Variants in SCFD1 observed in about 807,000 individuals in gnomAD.
SCFD1 encodes the protein sec1 family domain-containing protein 1.
A neutral mutation model predicts 103.2 loss-of-function variants in SCFD1; 37 were observed. The observed-to-expected ratio is 0.36, with a 90% CI of 0.28 to 0.47. The LOEUF (loss-of-function observed/expected upper bound fraction) is 0.47. Ranked by LOEUF, SCFD1 falls within the 20% of genes least tolerant of loss-of-function variation. The probability of loss-of-function intolerance (pLI) is 1.00; values close to 1 mark genes in which losing one functional copy is unlikely to be tolerated. For missense variants in SCFD1, 639 were observed against 761.2 expected, an observed-to-expected ratio of 0.84 and a Z score of 1.89; for synonymous variants, 264 against 245.0, an observed-to-expected ratio of 1.08 and a Z score of -0.73.
intron 1 of SCFD1, 172 bp downstream of exon 1, chr14:30,622,571 T>C: frequency 8.5e-7 from 1 of 1,183,430 alleles, no homozygotes; most frequent in Non-Finnish European, 1.1e-6. Flanking sequence ...GCTTGAGGAC[T>C]CGGTTCCTCC....
At chr14:30,656,596 C>G (rs889122038) in intron 10 of SCFD1, among the ~76,000 whole-genome samples, 14 of 151,928 alleles carry the variant, frequency 9.2e-5, no homozygotes, top group Non-Finnish European at 2.1e-4. Context: ...GCAAAATTGC[C>G]CAATTGAGAA....
chr14:30,731,471 T>G (rs1431096798), intron 23 of SCFD1, among the ~76,000 whole-genome samples: 2 of 152,256 alleles, frequency 1.3e-5, no homozygotes, highest in East Asian at 3.8e-4. Context: ...TAATTGATTC[T>G]TCCTATCCAT....
chr14:30,679,783 C>A (rs770331551), intron 14 of SCFD1, among the ~76,000 whole-genome samples: 3 of 151,482 alleles, frequency 2.0e-5, no homozygotes, highest in African/African-American at 4.9e-5. Context: ...CAGAACATTT[C>A]TTTGGCTGGA....
chr14:30,660,044 T>C (rs1311989706), intron 10 of SCFD1, among the ~76,000 whole-genome samples: 3 of 152,208 alleles, frequency 2.0e-5, no homozygotes, highest in Non-Finnish European at 4.4e-5. Context: ...TAATGATAAT[T>C]TCCTGGTGAT....
In SCFD1 at chr14:30,633,880, C is replaced by A. The variant is rs1884433489; in HGVS notation, c.222-67C>A. The A allele has an allele frequency of 4.7e-5, 41 of 870,598 alleles. 2 individuals are homozygous for A. The South Asian group carries it at 7.0e-4, about 15-fold the overall frequency. 53.9% of individuals were successfully genotyped at this position (870,598 alleles called of 1,614,324 possible). A position where few individuals can be genotyped will look rare whatever the true frequency, so the allele number is the denominator to read the frequency against. The stretch of plus-strand genomic sequence containing the variant: ...TACTGTCCTTGAGCTAGTGAACTCC[C>A]ATTTTGAGGAATATTGTTTTAAATA... On this transcript the variant is annotated intron_variant, in intron 3 of 24. Coordinates refer to ENST00000458591, the MANE Select transcript of SCFD1 (RefSeq NM_016106.4).
At chr14:30,694,974 T>C (rs1324864997) in intron 15 of SCFD1, 105 bp downstream of exon 15, 1 of 1,493,416 alleles carries the variant, frequency 6.7e-7, no homozygotes. Flanking sequence ...TGACAGTCAA[T>C]GCTAATATCA....
At chr14:30,683,872 A>T (rs1409967137) in intron 14 of SCFD1, among the ~76,000 whole-genome samples, 3 of 152,112 alleles carry the variant, frequency 2.0e-5, no homozygotes, top group African/African-American at 7.2e-5. Context: ...TTCACTGCTG[A>T]ATGGTTATTG....
intron 23 of SCFD1, among the ~76,000 whole-genome samples, chr14:30,728,072 A>G (rs1893178867): frequency 6.6e-6 from 1 of 152,160 alleles, no homozygotes; most frequent in South Asian, 2.1e-4. Context: ...TCAGTCAGAG[A>G]AAAAGAAAAA....
chr14:30,628,551 G>GC (rs1883766200), intron 2 of SCFD1, among the ~76,000 whole-genome samples: 2 of 152,110 alleles, frequency 1.3e-5, no homozygotes, highest in Non-Finnish European at 2.9e-5. Context: ...TTGATATTTT[G>GC]TTCCTTAGCT....
intron 14 of SCFD1, chr14:30,683,741 A>C (rs780453667): frequency 1.9e-4 from 32 of 166,374 alleles, no homozygotes; most frequent in Non-Finnish European, 1.8e-4. Flanking sequence ...TTCCTAACAT[A>C]GCATTGCAAC....
intron 14 of SCFD1, 117 bp from the exon 15 acceptor site, chr14:30,694,656 T>A: frequency 1.5e-6 from 2 of 1,344,644 alleles, no homozygotes; most frequent in Non-Finnish European, 1.9e-6. Context: ...ACTTTTGACC[T>A]GTCTGAAAGA....
rs781428740 is a variant in SCFD1 at position 30,735,557 on chromosome 14, T to G, written c.1906-29T>G. ...TTCTTTTATGATCTTTTTTAAAAGT[T>G]TTATGTATGATTTTGTGTTTTGTTT... On this transcript the variant is annotated intron_variant, in intron 24 of 24. Transcript: ENST00000458591. 2.0e-6 allele frequency: 3 copies of G among 1,514,360 alleles called. No homozygotes were observed. In the East Asian group the frequency reaches 6.8e-5, roughly 35 times the overall value. 93.8% of individuals were successfully genotyped at this position (1,514,360 alleles called of 1,614,324 possible).
chr14:30,729,906 CGT>C (rs1457230444), intron 23 of SCFD1, among the ~76,000 whole-genome samples: 2 of 151,552 alleles, frequency 1.3e-5, no homozygotes, highest in African/African-American at 4.9e-5. Context: ...GTGTGCACAA[CGT>C]GCAGGTTTGT....
chr14:30,713,480 T>C (rs1384125123), intron 19 of SCFD1, among the ~76,000 whole-genome samples: 6 of 152,190 alleles, frequency 3.9e-5, no homozygotes, highest in Non-Finnish European at 8.8e-5. Context: ...TTTCTCATGT[T>C]ACTTAATGAC....
At chr14:30,703,346 C>T (rs1172680425) in intron 17 of SCFD1, among the ~76,000 whole-genome samples, 1 of 148,712 alleles carries the variant, frequency 6.7e-6, no homozygotes, top group Non-Finnish European at 1.5e-5. Context: ...ACTTAAATGA[C>T]ATTTTTTACA....
intron 1 of SCFD1, among the ~76,000 whole-genome samples, chr14:30,626,358 C>A (rs984793208): frequency 6.6e-6 from 1 of 151,848 alleles, no homozygotes; most frequent in Non-Finnish European, 1.5e-5. Flanking sequence ...CTGAGAATGA[C>A]CCTGTATTGC....
intron 23 of SCFD1, among the ~76,000 whole-genome samples, chr14:30,731,480 A>G (rs1893462498): frequency 6.6e-6 from 1 of 152,192 alleles, no homozygotes; most frequent in Non-Finnish European, 1.5e-5. Flanking sequence ...CTTCCTATCC[A>G]TGGGCATGGA....
At chr14:30,727,865 T>A (rs759897220) in intron 23 of SCFD1, among the ~76,000 whole-genome samples, 3 of 152,140 alleles carry the variant, frequency 2.0e-5, no homozygotes, top group Non-Finnish European at 4.4e-5. Context: ...ACTACAAGTT[T>A]ATAGGACTGT....
Position 30,653,621 on chromosome 14 carries a change from A to G in SCFD1, c.855+33A>G. 4 of 1,335,574 alleles carry G rather than the reference A, an allele frequency of 3.0e-6. No homozygotes were observed. In the East Asian group the frequency reaches 6.9e-5, roughly 23 times the overall value. 82.7% of individuals were successfully genotyped at this position (1,335,574 alleles called of 1,614,324 possible). ...ACTAAATGCAGCACTTATTACTGAAATATAGTAACATGCAGTGTTCCCTTT... is the reference window on the plus strand; with the variant it reads ...ACTAAATGCAGCACTTATTACTGAAGTATAGTAACATGCAGTGTTCCCTTT... On this transcript the variant is annotated intron_variant, in intron 10 of 24. Coordinates refer to ENST00000458591, the MANE Select transcript of SCFD1 (RefSeq NM_016106.4).
Sources: allele counts gnomAD v4.1 joint callset (sites outside exome capture counted in the v4.1 genomes callset), GRCh38; gene constraint gnomAD v4.1.1; transcripts MANE v1.5; gene names NCBI Gene and HGNC (gene_info 2026-07-23, HGNC 2026-07-21).